The following MDGA2 variants were observed in gnomAD, a reference collection of about 807,000 sequenced individuals.
The protein encoded by MDGA2 is MAM domain containing glycosylphosphatidylinositol anchor 2.
In MDGA2, 40 loss-of-function variants were observed where a neutral mutation model predicts 117.8. The observed-to-expected ratio is 0.34, with a 90% CI of 0.26 to 0.44. The LOEUF (loss-of-function observed/expected upper bound fraction) is 0.44, where lower values mean the gene tolerates loss of function less well. Ranked by LOEUF, MDGA2 falls within the 20% of genes least tolerant of loss-of-function variation. MDGA2 has a pLI of 1.00. For missense variants in MDGA2, 1,123 were observed against 1,250.6 expected (o/e 0.90, Z 1.54); for synonymous variants, 452 against 439.0 (o/e 1.03, Z -0.37).
At chr14:47,455,944 C>G (rs1404849348) in intron 1 of MDGA2, among the ~76,000 whole-genome samples, 2 of 151,798 alleles carry the variant, frequency 1.3e-5, no homozygotes, top group Admixed American at 1.3e-4. Context: ...CTGCAGTGAG[C>G]CAAGATCATG....
chr14:47,634,301 T>TTATC (rs1385379611), intron 1 of MDGA2, among the ~76,000 whole-genome samples: 1 of 152,156 alleles, frequency 6.6e-6, no homozygotes. Flanking sequence ...ACTTTTCATG[T>TTATC]TATCATAAAA....
chr14:47,654,015 C>A (rs574473045), intron 1 of MDGA2, among the ~76,000 whole-genome samples: 2 of 152,296 alleles, frequency 1.3e-5, no homozygotes, highest in East Asian at 3.9e-4. Context: ...CTTAAAACCA[C>A]TAAGTTTGTG....
At chr14:47,237,244 T>TA (rs932042004) in intron 2 of MDGA2, among the ~76,000 whole-genome samples, 65 of 150,196 alleles carry the variant, frequency 4.3e-4, no homozygotes, top group African/African-American at 1.2e-3. Context: ...TTCCCTGACT[T>TA]AAAAAAAAAA....
chr14:47,272,232 G>A (rs1046745308), intron 2 of MDGA2, among the ~76,000 whole-genome samples: 1 of 151,994 alleles, frequency 6.6e-6, no homozygotes, highest in Non-Finnish European at 1.5e-5. Flanking sequence ...GCTTTCTATG[G>A]GCTGCCTCAC....
At chr14:47,193,190 G>A (rs893772475) in intron 3 of MDGA2, among the ~76,000 whole-genome samples, 1 of 152,036 alleles carries the variant, frequency 6.6e-6, no homozygotes, top group Non-Finnish European at 1.5e-5. Flanking sequence ...TTTATCCTCC[G>A]TAATAACTAG....
intron 7 of MDGA2, among the ~76,000 whole-genome samples, chr14:47,051,527 T>C (rs1458577958): frequency 2.6e-5 from 4 of 151,880 alleles, no homozygotes; most frequent in Non-Finnish European, 4.4e-5. Context: ...GAAAATTAGG[T>C]TCTTTTAAAA....
chr14:47,157,595 ATGTGTGTGTGTGTGTGTGTGTG>A (rs55697311), intron 3 of MDGA2, among the ~76,000 whole-genome samples: 6 of 144,436 alleles, frequency 4.2e-5, no homozygotes, highest in African/African-American at 1.6e-4. Context: ...ATGTACATAT[ATGTGTGTGTGTGTGTGTGTGTG>A]TGTGTGTGTG....
chr14:47,028,069 A>C (rs1024785239), intron 8 of MDGA2, among the ~76,000 whole-genome samples: 1 of 152,118 alleles, frequency 6.6e-6, no homozygotes, highest in African/African-American at 2.4e-5. Context: ...GGAATATGTA[A>C]AATAGAAATA....
chr14:47,279,320 G>A (rs1377883660), intron 2 of MDGA2, among the ~76,000 whole-genome samples: 1 of 152,046 alleles, frequency 6.6e-6, no homozygotes, highest in Non-Finnish European at 1.5e-5. Flanking sequence ...TTATTAATAA[G>A]TGTTAGATTA....
At position 47,100,417 on chromosome 14, in the gene MDGA2, C is replaced by T. The variant is rs113909912; in HGVS notation, c.926-3294G>A. 2.7e-3 allele frequency among the ~76,000 whole-genome samples: 416 copies of T among 152,094 alleles called. 6 individuals are homozygous for T. Among genetic ancestry groups the T allele is most frequent in the African/African-American group, 9.4e-3 (389 of 41,504 alleles). The stretch of plus-strand genomic sequence containing the variant: ...CTAAATCATGTACATGTTTAGCATA[C>T]GTCTACAGCATGTGTTAATTGAATT... On this transcript the variant is annotated intron_variant, in intron 5 of 16. Coordinates refer to ENST00000399232, the MANE Select transcript of MDGA2 (RefSeq NM_001113498.3).
At chr14:47,219,560 A>AG (rs1373815065) in intron 2 of MDGA2, among the ~76,000 whole-genome samples, 1 of 152,030 alleles carries the variant, frequency 6.6e-6, no homozygotes, top group African/African-American at 2.4e-5. Flanking sequence ...AAGCATACTA[A>AG]CACTTTCACT....
At chr14:47,464,014 T>A (rs1043268508) in intron 1 of MDGA2, among the ~76,000 whole-genome samples, 1 of 151,942 alleles carries the variant, frequency 6.6e-6, no homozygotes, top group Non-Finnish European at 1.5e-5. Flanking sequence ...AAGAATGTTA[T>A]TACAATACTC....
chr14:47,408,186 G>C (rs1566772593), intron 1 of MDGA2, among the ~76,000 whole-genome samples: 1 of 151,030 alleles, frequency 6.6e-6, no homozygotes, highest in Non-Finnish European at 1.5e-5. Context: ...CTCCTGAGTA[G>C]CTGGGACTAC....
chr14:47,041,538 C>A (rs1184497018), intron 7 of MDGA2, among the ~76,000 whole-genome samples: 3 of 151,874 alleles, frequency 2.0e-5, no homozygotes, highest in East Asian at 3.9e-4. Flanking sequence ...CTATACACAG[C>A]CCTTGATATT....
At chr14:47,418,958 T>C (rs1275669598) in intron 1 of MDGA2, among the ~76,000 whole-genome samples, 2 of 152,142 alleles carry the variant, frequency 1.3e-5, no homozygotes, top group South Asian at 2.1e-4. Context: ...TCTTGCCATA[T>C]AGAGAGATTG....
At chr14:47,606,728 G>A (rs536492125) in intron 1 of MDGA2, among the ~76,000 whole-genome samples, 1 of 152,198 alleles carries the variant, frequency 6.6e-6, no homozygotes, top group Non-Finnish European at 1.5e-5. Flanking sequence ...CCACTGGGAA[G>A]AAATGGTTTG....
chr14:47,360,606 C>T (rs1891099608), intron 1 of MDGA2, among the ~76,000 whole-genome samples: 1 of 151,854 alleles, frequency 6.6e-6, no homozygotes, highest in Non-Finnish European at 1.5e-5. Flanking sequence ...AAAAGGAAAC[C>T]TTTGTATACT....
Position 47,669,878 on chromosome 14 carries a change from A to G in MDGA2, c.280+4639T>C, listed in dbSNP as rs1898043618. On this transcript the variant is annotated intron_variant, in intron 1 of 16. Transcript: ENST00000399232. ...ATCTGAAAAAAAAATCATAATCAAT[A>G]TACCTTCGGATAGCTTTGCTATGAG... 1.3e-5 allele frequency among the ~76,000 whole-genome samples: 2 copies of G among 152,160 alleles called. 1 individual carries two copies. The highest frequency in any genetic ancestry group is 1.3e-4 in the Admixed American group (2 of 15,276).
At chr14:47,412,894 C>G (rs1892402152) in intron 1 of MDGA2, among the ~76,000 whole-genome samples, 1 of 152,152 alleles carries the variant, frequency 6.6e-6, no homozygotes, top group South Asian at 2.1e-4. Flanking sequence ...CAAATTTAAT[C>G]CACACTCTAA....
Sources: gnomAD v4.1 joint callset for allele counts (sites outside exome capture counted in the v4.1 genomes callset) on GRCh38, gnomAD v4.1.1 for gene constraint, MANE v1.5 for transcripts, NCBI Gene and HGNC (gene_info 2026-07-23, HGNC 2026-07-21) for gene names.